The following AOPEP variants were observed in gnomAD, a reference collection of about 807,000 sequenced individuals.
The protein encoded by AOPEP is aminopeptidase O (putative).
A neutral mutation model predicts 98.1 loss-of-function variants in AOPEP; 77 were observed. The observed-to-expected ratio is 0.78, with a 90% CI of 0.65 to 0.95. AOPEP has a LOEUF of 0.95. Ranked by LOEUF, AOPEP falls within the 40% of genes least tolerant of loss-of-function variation. The probability of loss-of-function intolerance (pLI) is 0.00; values close to 1 mark genes in which losing one functional copy is unlikely to be tolerated. For synonymous variants in AOPEP, 346 were observed against 365.3 expected (o/e 0.95, Z 0.60); for missense variants, 1,024 against 1,024.7 (o/e 1.00, Z 0.01).
chr9:95,110,210 T>C, the AOPEP span: 1 of 986,070 alleles, frequency 1.0e-6, no homozygotes, highest in Non-Finnish European at 1.2e-6. Context: ...TGTGCCAATG[T>C]AGAACTTTCT....
At chr9:94,926,680 C>T (rs1298779533) in intron 6 of AOPEP, among the ~76,000 whole-genome samples, 1 of 152,070 alleles carries the variant, frequency 6.6e-6, no homozygotes. Context: ...GTGCTCCTGG[C>T]CAGCAGGCCC....
the AOPEP span, chr9:95,107,389 A>C: frequency 9.2e-7 from 1 of 1,089,682 alleles, no homozygotes. Context: ...CCCCTGAGAG[A>C]GGGAGCTAGG....
chr9:94,862,699 C>T (rs2045193721), intron 5 of AOPEP, among the ~76,000 whole-genome samples: 1 of 152,184 alleles, frequency 6.6e-6, no homozygotes, highest in Non-Finnish European at 1.5e-5. Context: ...TGGATTCCAT[C>T]CCCACTTGCA....
intron 5 of AOPEP, among the ~76,000 whole-genome samples, chr9:94,900,647 A>G (rs954007908): frequency 2.3e-4 from 35 of 152,300 alleles, no homozygotes; most frequent in African/African-American, 7.5e-4. Flanking sequence ...ACAGACTACC[A>G]TCTTTGGAAC....
chr9:94,898,667 G>GGT (rs2049927809), intron 5 of AOPEP, among the ~76,000 whole-genome samples: 1 of 149,924 alleles, frequency 6.7e-6, no homozygotes, highest in Non-Finnish European at 1.5e-5. Flanking sequence ...AAAAAGGCCG[G>GGT]GTGCAGTGGC....
chr9:94,876,043 A>G (rs745703360), intron 5 of AOPEP, among the ~76,000 whole-genome samples: 16 of 152,254 alleles, frequency 1.1e-4, no homozygotes, highest in Non-Finnish European at 2.1e-4. Context: ...TTCTTATGAA[A>G]CAAACCAAAC....
intron 5 of AOPEP, among the ~76,000 whole-genome samples, chr9:94,871,402 C>G (rs1345615425): frequency 6.6e-6 from 1 of 152,184 alleles, no homozygotes; most frequent in African/African-American, 2.4e-5. Context: ...GTAATGGTGG[C>G]TGATTTTAAT....
At chr9:95,123,585 G>A in the AOPEP span, 3 of 581,542 alleles carry the variant, frequency 5.2e-6, no homozygotes. Flanking sequence ...CAGCCTATTT[G>A]CGACACGAAC....
chr9:95,018,976 G>GT (rs1443149654), intron 13 of AOPEP: 1 of 152,124 alleles, frequency 6.6e-6, no homozygotes, highest in African/African-American at 2.4e-5. Flanking sequence ...CCATCCGTTT[G>GT]TTTTTTTCTC....
At position 94,931,414 on chromosome 9, in the gene AOPEP, G is replaced by A. The variant is rs180746297; in HGVS notation, c.1661+2883G>A. ...AATAAGGAAAATATTGTTATCAGAT[G>A]TACTTACAATGAGGAGGAAATGTTT... On this transcript the variant is annotated intron_variant, in intron 7 of 16. Transcript: ENST00000375315. Among the ~76,000 whole-genome samples the A allele has an allele frequency of 4.6e-5, 7 of 152,268 alleles. No homozygotes were observed. In the South Asian group the frequency reaches 6.2e-4, roughly 14 times the overall value.
intron 5 of AOPEP, among the ~76,000 whole-genome samples, chr9:94,877,897 T>A (rs940807006): frequency 6.6e-6 from 1 of 152,226 alleles, no homozygotes; most frequent in African/African-American, 2.4e-5. Flanking sequence ...GTTAAAGTGC[T>A]GTTTCTAGCG....
the AOPEP span, chr9:95,111,416 C>A: frequency 6.3e-7 from 1 of 1,599,628 alleles, no homozygotes; most frequent in Non-Finnish European, 8.5e-7. Context: ...CTCCTCTCAG[C>A]CCCCCAGAGC....
intron 5 of AOPEP, among the ~76,000 whole-genome samples, chr9:94,835,108 G>C (rs2041420531): frequency 6.6e-6 from 1 of 152,164 alleles, no homozygotes; most frequent in South Asian, 2.1e-4. Flanking sequence ...GAAATGCTAA[G>C]TTATTTCATA....
chr9:94,838,330 CATT>C (rs1449605223), intron 5 of AOPEP, among the ~76,000 whole-genome samples: 1 of 152,148 alleles, frequency 6.6e-6, no homozygotes, highest in Non-Finnish European at 1.5e-5. Flanking sequence ...AATGTTTTAA[CATT>C]ATTTGTTGAA....
chr9:94,805,275 G>T (rs1849008922), intron 5 of AOPEP, among the ~76,000 whole-genome samples: 1 of 151,880 alleles, frequency 6.6e-6, no homozygotes, highest in Non-Finnish European at 1.5e-5. Flanking sequence ...AATTCTCCAT[G>T]GCTGAAGCTA....
rs552651438 is a variant in AOPEP, at chr9:94,867,909, A to G, written c.1365-56077A>G. Among the ~76,000 whole-genome samples the G allele has an allele frequency of 5.3e-5, 8 of 152,360 alleles. No homozygotes were observed. In the East Asian group the frequency reaches 1.3e-3, roughly 26 times the overall value. On this transcript the variant is annotated intron_variant, in intron 5 of 16. Transcript: ENST00000375315. ...CCATGTCAAAGTATCAAATAAAGCT[A>G]TAACTTCAGACCAGCCAGGAAAATG...
chr9:95,133,784 T>C, the AOPEP span, among the ~76,000 whole-genome samples: 4 of 152,234 alleles, frequency 2.6e-5, no homozygotes, highest in Non-Finnish European at 5.9e-5. Flanking sequence ...ACTGAAATCC[T>C]AGTATGCACA....
At chr9:95,082,512 T>TGTGTGC in intron 15 of AOPEP, 63 bp from the exon 16 acceptor site, 1 of 1,566,198 alleles carries the variant, frequency 6.4e-7, no homozygotes, top group East Asian at 2.3e-5. Flanking sequence ...ACTGAGCTCA[T>TGTGTGC]GTGTGCGTGT....
At chr9:95,026,005 C>T (rs901096181) in intron 13 of AOPEP, among the ~76,000 whole-genome samples, 4 of 152,144 alleles carry the variant, frequency 2.6e-5, no homozygotes, top group African/African-American at 7.2e-5. Flanking sequence ...CCCCTGCATG[C>T]GTCCCTCCCC....
Sources: gnomAD v4.1 joint callset for allele counts (sites outside exome capture counted in the v4.1 genomes callset) on GRCh38, gnomAD v4.1.1 for gene constraint, MANE v1.5 for transcripts, NCBI Gene and HGNC (gene_info 2026-07-23, HGNC 2026-07-21) for gene names.